Variants in SLC25A25 observed in about 807,000 individuals in gnomAD.
The protein encoded by SLC25A25 is solute carrier family 25 member 25.
Under a neutral mutation model 57.7 loss-of-function variants are expected in SLC25A25, and 32 were observed. The ratio of observed to expected loss-of-function variants is 0.55; its 90% CI spans 0.42 to 0.74. The LOEUF is 0.74. Ranked by LOEUF, SLC25A25 falls within the 30% of genes least tolerant of loss-of-function variation. The pLI is 0.00. For missense variants in SLC25A25, 556 were observed against 701.3 expected, an observed-to-expected ratio of 0.79 and a Z score of 2.34; for synonymous variants, 306 against 291.2, an observed-to-expected ratio of 1.05 and a Z score of -0.52.
At chr9:128,091,690 G>A (rs914568810) in intron 1 of SLC25A25, 14 of 1,318,928 alleles carry the variant, frequency 1.1e-5, no homozygotes, top group Admixed American at 7.2e-5. Flanking sequence ...TTCTCAGGCC[G>A]GGCACGACAG....
chr9:128,082,428 G>T (rs1196663166), intron 1 of SLC25A25, among the ~76,000 whole-genome samples: 1 of 152,162 alleles, frequency 6.6e-6, no homozygotes, highest in Non-Finnish European at 1.5e-5. Flanking sequence ...CAGCCGCCCA[G>T]CGCAGGCAGC....
rs577175137 is a variant in SLC25A25, at chr9:128,107,452, A to G, written c.*8A>G. On this transcript the variant is annotated 3_prime_UTR_variant, in exon 11 of 11. Coordinates refer to ENST00000373069, the MANE Select transcript of SLC25A25 (RefSeq NM_001330988.2). The stretch of plus-strand genomic sequence containing the variant: ...GGCGTGCAGTCGCGGTGACGGGGGG[A>G]GGGCCGCCCGGCAGTGGACTCGCTG... The G allele has an allele frequency of 1.3e-6, 2 of 1,503,462 alleles. No individual in the cohort carries two copies. The highest frequency in any genetic ancestry group is 1.8e-6 in the Non-Finnish European group (2 of 1,125,560). 93.1% of individuals were successfully genotyped at this position (1,503,462 alleles called of 1,614,324 possible). A position where few individuals can be genotyped will look rare whatever the true frequency, so the allele number is the denominator to read the frequency against.
At chr9:128,086,350 T>TTTG (rs1833274333) in intron 1 of SLC25A25, among the ~76,000 whole-genome samples, 2 of 116,216 alleles carry the variant, frequency 1.7e-5, no homozygotes, top group African/African-American at 5.3e-5. Context: ...TTTTTTTTTT[T>TTTG]GAGACAGAGT....
chr9:128,083,241 AAATAAATAAAAG>A (rs1833194955), intron 1 of SLC25A25, among the ~76,000 whole-genome samples: 1 of 13,990 alleles, frequency 7.1e-5, no homozygotes, highest in Non-Finnish European at 5.3e-4. Context: ...AAAAAAAAAT[AAATAAATAAAAG>A]TGTTTTTTTT....
At chr9:128,104,831 A>AATTATTATTATTATT (rs57220788) in intron 6 of SLC25A25, among the ~76,000 whole-genome samples, 3 of 144,578 alleles carry the variant, frequency 2.1e-5, no homozygotes, top group African/African-American at 7.6e-5. Flanking sequence ...GATTTTTAAA[A>AATTATTATTATTATT]ATTATTATTA....
rs759668796 is a variant in SLC25A25, at chr9:128,102,525, C to T, written c.624+44C>T. 3 of 1,530,952 alleles carry T rather than the reference C, an allele frequency of 2.0e-6. No individual in the cohort carries two copies. In the African/African-American group the frequency reaches 4.1e-5, roughly 21 times the overall value. 94.8% of individuals were successfully genotyped at this position (1,530,952 alleles called of 1,614,324 possible). ...GGGCCCTCATCTGCTCCCAGGGACCCTTAGCCCAGAGTCACCCAGTCGTCC... is the reference window on the plus strand; with the variant it reads ...GGGCCCTCATCTGCTCCCAGGGACCTTTAGCCCAGAGTCACCCAGTCGTCC... On this transcript the variant is annotated intron_variant, in intron 5 of 10. Transcript: ENST00000373069. This position sits in a 1 kb window ranked among gnomAD's most constrained non-coding sequence, Gnocchi z 4.1.
Position 128,107,597 on chromosome 9 carries a change from G to A in SLC25A25, c.*153G>A. Reference sequence around the variant, plus strand: ...ACCCGCAGGGAGGGTGGGGAGAGCTGGCAGGCCCAGGGCTTGTCCTGCTGA... The same window carrying A: ...ACCCGCAGGGAGGGTGGGGAGAGCTAGCAGGCCCAGGGCTTGTCCTGCTGA... On this transcript the variant is annotated 3_prime_UTR_variant, in exon 11 of 11. Coordinates refer to ENST00000373069, the MANE Select transcript of SLC25A25 (RefSeq NM_001330988.2). The A allele has an allele frequency of 1.1e-6, 1 of 869,786 alleles. No homozygotes were observed. Among genetic ancestry groups the A allele is most frequent in the East Asian group, 2.9e-5 (1 of 34,886 alleles). 53.9% of individuals were successfully genotyped at this position (869,786 alleles called of 1,614,324 possible).
chr9:128,079,728 C>G (rs1390260313), intron 1 of SLC25A25, among the ~76,000 whole-genome samples: 1 of 145,850 alleles, frequency 6.9e-6, no homozygotes, highest in Non-Finnish European at 1.5e-5. Flanking sequence ...CGCGGTGGCT[C>G]ACGCCTGTAA....
intron 1 of SLC25A25, 137 bp downstream of exon 1, chr9:128,068,717 A>T (rs1832836348): frequency 3.0e-6 from 3 of 989,070 alleles, no homozygotes. Context: ...TCACTGAGGG[A>T]CACCCCACTT....
chr9:128,069,068 T>G (rs1170291801), intron 1 of SLC25A25, among the ~76,000 whole-genome samples: 1 of 152,138 alleles, frequency 6.6e-6, no homozygotes, highest in African/African-American at 2.4e-5. Context: ...GGCTGATCCG[T>G]GTGGACGTTG....
At chr9:128,098,282 A>G (rs1833626501) in intron 1 of SLC25A25, 2 of 307,288 alleles carry the variant, frequency 6.5e-6, no homozygotes, top group Non-Finnish European at 1.2e-5. Context: ...CTCTTCTCCA[A>G]GAGTTAACTG....
At chr9:128,105,426 C>T (rs1240213245) in intron 6 of SLC25A25, among the ~76,000 whole-genome samples, 1 of 152,090 alleles carries the variant, frequency 6.6e-6, no homozygotes, top group Non-Finnish European at 1.5e-5. Context: ...CTGCCTCAGC[C>T]TCCCAAAGTG....
chr9:128,101,901 G>T lies in SLC25A25; in HGVS notation c.477-179G>T, dbSNP rs949561540. Among the ~76,000 whole-genome samples the T allele has an allele frequency of 6.6e-6, 1 of 152,202 alleles. No homozygotes were observed. The highest frequency in any genetic ancestry group is 1.9e-4 in the East Asian group (1 of 5,200). On this transcript the variant is annotated intron_variant, in intron 3 of 10. Coordinates refer to ENST00000373069, the MANE Select transcript of SLC25A25 (RefSeq NM_001330988.2). This position sits in a 1 kb window ranked among gnomAD's most constrained non-coding sequence, Gnocchi z 4.9. ...TGGCTGGACCTTCCGGAAACCCTGC[G>T]GTCTGAACACTGGCTGGTCCTCGGG...
At chr9:128,106,596 G>A (rs902374891) in intron 9 of SLC25A25, 76 bp downstream of exon 9, 12 of 1,488,800 alleles carry the variant, frequency 8.1e-6, no homozygotes, top group South Asian at 2.6e-5. Context: ...CTTGACGGAC[G>A]CGTGGTTAGT....
chr9:128,091,646 G>A lies in SLC25A25; in HGVS notation c.262-9450G>A, dbSNP rs988453253. ...CTCCAGCTGCTTTCTCCTTATTGCC[G>A]GCAGCCTGGCAAGCCTCCCTTAGAG... On this transcript the variant is annotated intron_variant, in intron 1 of 10. Coordinates refer to ENST00000373069, the MANE Select transcript of SLC25A25 (RefSeq NM_001330988.2). 38 of 1,205,300 alleles carry A rather than the reference G, an allele frequency of 3.2e-5. No homozygotes were observed. In the East Asian group the frequency reaches 6.6e-4, roughly 21 times the overall value. The allele number at this position is 1,205,300 out of a possible 1,614,324, so 74.7% of individuals were successfully genotyped here.
At chr9:128,086,838 C>G (rs946370343) in intron 1 of SLC25A25, among the ~76,000 whole-genome samples, 1 of 152,136 alleles carries the variant, frequency 6.6e-6, no homozygotes, top group African/African-American at 2.4e-5. Context: ...AGCTGTGGTC[C>G]TCATGCATTT....
chr9:128,076,748 G>A (rs1261394869), intron 1 of SLC25A25, among the ~76,000 whole-genome samples: 1 of 152,016 alleles, frequency 6.6e-6, no homozygotes, highest in African/African-American at 2.4e-5. Context: ...GATTACAGGC[G>A]TGAGCCACCA....
intron 1 of SLC25A25, among the ~76,000 whole-genome samples, chr9:128,080,204 C>T (rs1461408710): frequency 4.8e-5 from 7 of 147,028 alleles, no homozygotes; most frequent in Non-Finnish European, 7.4e-5. Context: ...GCACTCCAGT[C>T]GGGGCAACAG....
Position 128,105,802 on chromosome 9 carries a change from G to T in SLC25A25, c.857G>T (p.Arg286Met). ...FTQMIREGGA[R>M]SLWRGNGINV... ...CAGATGATTCGAGAAGGAGGGGCCA[G>T]GTCACTCTGGCGGGGCAATGGCATC... The change falls in exon 7 of 11, where the codon AGG (arginine) becomes ATG (methionine). Residue 286 changes from arginine to methionine, a missense_variant. This residue lies in a region of SLC25A25 where 294 missense variants were observed against 389.6 expected (regional missense o/e 0.75). Transcript: ENST00000373069. The T allele has an allele frequency of 6.2e-7, 1 of 1,614,130 alleles. No individual in the cohort carries two copies. Among genetic ancestry groups the T allele is most frequent in the Non-Finnish European group, 8.5e-7 (1 of 1,180,042 alleles).
Sources: allele counts gnomAD v4.1 joint callset (sites outside exome capture counted in the v4.1 genomes callset), GRCh38; gene constraint gnomAD v4.1.1; regional missense constraint gnomAD v4.1.1; non-coding constraint Gnocchi (gnomAD v3.1); transcripts MANE v1.5; gene names NCBI Gene and HGNC (gene_info 2026-07-23, HGNC 2026-07-21).